The following NIPAL2 variants were observed in gnomAD, a reference collection of about 807,000 sequenced individuals.
NIPAL2 encodes NIPA-like protein 2.
A neutral mutation model predicts 48.9 loss-of-function variants in NIPAL2; 43 were observed. That is an observed-to-expected ratio of 0.88 (90% CI 0.69 to 1.13). NIPAL2 has a LOEUF of 1.13. Among genes scored for constraint, NIPAL2 ranks in the 50% most tolerant of loss-of-function variants. NIPAL2 has a pLI of 0.00. For missense variants in NIPAL2, 446 were observed against 461.4 expected (o/e 0.97, Z 0.31); for synonymous variants, 167 against 174.6 (o/e 0.96, Z 0.34).
chr8:98,223,971 C>A (rs1035682029), intron 4 of NIPAL2, among the ~76,000 whole-genome samples: 30 of 151,988 alleles, frequency 2.0e-4, no homozygotes, highest in Non-Finnish European at 3.7e-4. Context: ...GGAAGAGATT[C>A]AAAAAAACTG....
chr8:98,217,145 A>G, intron 5 of NIPAL2: 1 of 985,408 alleles, frequency 1.0e-6, no homozygotes, highest in Non-Finnish European at 1.2e-6. Context: ...AGTGCACTTT[A>G]TTCTTCTCTG....
chr8:98,249,480 TATGTCATATATGACATAC>T (rs988188382), intron 3 of NIPAL2, among the ~76,000 whole-genome samples: 1 of 151,778 alleles, frequency 6.6e-6, no homozygotes, highest in African/African-American at 2.4e-5. Context: ...ATGTCAGACA[TATGTCATATATGACATAC>T]ATGTCATATA....
At chr8:98,252,406 T>C (rs1385126539) in intron 3 of NIPAL2, 57 bp downstream of exon 3, 3 of 1,452,342 alleles carry the variant, frequency 2.1e-6, no homozygotes, top group Non-Finnish European at 2.7e-6. Flanking sequence ...GTTGTGTGTT[T>C]TTCTCCGATT....
chr8:98,262,079 G>C (rs1189481838), intron 1 of NIPAL2, among the ~76,000 whole-genome samples: 2 of 140,254 alleles, frequency 1.4e-5, no homozygotes, highest in Non-Finnish European at 3.1e-5. Context: ...AGCAAATGCT[G>C]AGAGATTTTG....
chr8:98,196,758 C>T (rs1198010309), intron 8 of NIPAL2, among the ~76,000 whole-genome samples: 1 of 152,200 alleles, frequency 6.6e-6, no homozygotes, highest in East Asian at 1.9e-4. Context: ...TCCTTGTTAG[C>T]CAGCCAACCA....
chr8:98,193,283 T>A, intron 10 of NIPAL2, 193 bp from the exon 11 acceptor site: 2 of 1,317,924 alleles, frequency 1.5e-6, no homozygotes, highest in Non-Finnish European at 2.2e-6. Context: ...TGATAGCGAA[T>A]TGTCTGTGTC....
intron 1 of NIPAL2, among the ~76,000 whole-genome samples, chr8:98,284,835 A>G (rs1816065437): frequency 6.6e-6 from 1 of 152,122 alleles, no homozygotes; most frequent in Admixed American, 6.6e-5. Context: ...TAAATGCACT[A>G]AACTTGTCCT....
intron 2 of NIPAL2, among the ~76,000 whole-genome samples, chr8:98,253,422 A>C (rs1024187385): frequency 4.6e-5 from 7 of 152,238 alleles, no homozygotes; most frequent in African/African-American, 1.4e-4. Flanking sequence ...GTGATTCATG[A>C]AATGATTTAA....
intron 3 of NIPAL2, among the ~76,000 whole-genome samples, chr8:98,250,552 G>A (rs930455642): frequency 3.9e-5 from 6 of 152,214 alleles, no homozygotes; most frequent in Non-Finnish European, 7.3e-5. Context: ...TGTAAAGTAG[G>A]AAATGAGTTG....
intron 8 of NIPAL2, among the ~76,000 whole-genome samples, chr8:98,200,193 G>A (rs1810736255): frequency 6.6e-6 from 1 of 152,100 alleles, no homozygotes; most frequent in African/African-American, 2.4e-5. Context: ...TTTGTTTTCA[G>A]TGTATAGTTC....
intron 1 of NIPAL2, among the ~76,000 whole-genome samples, chr8:98,281,086 G>A (rs1815804791): frequency 1.3e-5 from 2 of 151,832 alleles, no homozygotes; most frequent in South Asian, 2.1e-4. Flanking sequence ...ACTGAAGACC[G>A]CATGTAGGCA....
At chr8:98,292,853 G>T (rs1296289893) in intron 1 of NIPAL2, among the ~76,000 whole-genome samples, 1 of 150,842 alleles carries the variant, frequency 6.6e-6, no homozygotes, top group Non-Finnish European at 1.5e-5. Context: ...GCTTTTCTTT[G>T]TAATTCCTGT....
chr8:98,192,684 T>C lies in NIPAL2; in HGVS notation c.*294A>G, dbSNP rs981667605. 4 of 350,790 alleles carry C rather than the reference T, an allele frequency of 1.1e-5. No homozygotes were observed. Among genetic ancestry groups the C allele is most frequent in the Non-Finnish European group, 2.1e-5 (4 of 190,722 alleles). 21.7% of individuals were successfully genotyped at this position (350,790 alleles called of 1,614,324 possible). Reference sequence around the variant, plus strand: ...TGGCCAAACCGCAAATGTATGTTTCTGTGCAACATTCCTGCTAGAGCAGCC... The same window carrying C: ...TGGCCAAACCGCAAATGTATGTTTCCGTGCAACATTCCTGCTAGAGCAGCC... On this transcript the variant is annotated 3_prime_UTR_variant, in exon 11 of 11. Transcript: ENST00000430223.
In NIPAL2 at chr8:98,191,162, C is replaced by T. The variant is rs1029928054; in HGVS notation, c.*1816G>A. 5.3e-5 allele frequency: 8 copies of T among 152,170 alleles called. No individual in the cohort carries two copies. The highest frequency in any genetic ancestry group is 1.9e-4 in the African/African-American group (8 of 41,442). The allele number at this position is 152,170 out of a possible 1,614,324, so 9.4% of individuals were successfully genotyped here. A position where few individuals can be genotyped will look rare whatever the true frequency, so the allele number is the denominator to read the frequency against. On this transcript the variant is annotated 3_prime_UTR_variant, in exon 11 of 11. Transcript: ENST00000430223. The stretch of plus-strand genomic sequence containing the variant: ...TGTGAAATTCTACAGTGCTGAAAAT[C>T]TCATGCACTCTAGCTATGAATGCAG...
Position 98,294,157 on chromosome 8 carries a change from T to A in NIPAL2, c.-20A>T. 2 of 1,362,524 alleles carry A rather than the reference T, an allele frequency of 1.5e-6. No homozygotes were observed. Among genetic ancestry groups the A allele is most frequent in the Non-Finnish European group, 1.9e-6 (2 of 1,057,360 alleles). 84.4% of individuals were successfully genotyped at this position (1,362,524 alleles called of 1,614,324 possible). A position where few individuals can be genotyped will look rare whatever the true frequency, so the allele number is the denominator to read the frequency against. Reference sequence around the variant, plus strand: ...TGCCATGAGGTCTCGCTCCCGGCGCTCGGGCTCCGGCTCGGGCTGCGGCCG... The same window carrying A: ...TGCCATGAGGTCTCGCTCCCGGCGCACGGGCTCCGGCTCGGGCTGCGGCCG... On this transcript the variant is annotated 5_prime_UTR_variant, in exon 1 of 11. Coordinates refer to ENST00000430223, the MANE Select transcript of NIPAL2 (RefSeq NM_001321635.2).
chr8:98,282,446 G>T (rs1040235213), intron 1 of NIPAL2, among the ~76,000 whole-genome samples: 4 of 152,120 alleles, frequency 2.6e-5, no homozygotes, highest in Non-Finnish European at 5.9e-5. Flanking sequence ...GACCAAGCAG[G>T]AGATAGATCT....
intron 4 of NIPAL2, among the ~76,000 whole-genome samples, chr8:98,233,313 G>T (rs1213821178): frequency 6.7e-6 from 1 of 148,364 alleles, no homozygotes; most frequent in East Asian, 2.0e-4. Flanking sequence ...TTAATTAAAG[G>T]TTTTATTTTG....
chr8:98,293,584 A>G (rs190980690), intron 1 of NIPAL2, among the ~76,000 whole-genome samples: 13 of 152,344 alleles, frequency 8.5e-5, no homozygotes, highest in Non-Finnish European at 1.9e-4. Flanking sequence ...TCTGCTTCTG[A>G]TAACAGGGTG....
rs568175602 is a variant in NIPAL2 at position 98,280,003 on chromosome 8, T to C, written c.135+14000A>G. Among the ~76,000 whole-genome samples the C allele has an allele frequency of 2.9e-4, 44 of 152,334 alleles. 2 individuals carry two copies. In the South Asian group the frequency reaches 8.5e-3, roughly 29 times the overall value. On this transcript the variant is annotated intron_variant, in intron 1 of 10. Coordinates refer to ENST00000430223, the MANE Select transcript of NIPAL2 (RefSeq NM_001321635.2). ...TAAGTATTCAGATATTTTAATTGTA[T>C]TTGGAATAACAATTTTCTATCCTAC...
Sources: allele counts gnomAD v4.1 joint callset (sites outside exome capture counted in the v4.1 genomes callset), GRCh38; gene constraint gnomAD v4.1.1; transcripts MANE v1.5; gene names NCBI Gene and HGNC (gene_info 2026-07-23, HGNC 2026-07-21).